ANKRD20A1: variants seen among roughly 807,000 people sequenced by gnomAD.
The protein encoded by ANKRD20A1 is ankyrin repeat domain-containing protein 20A1.
In ANKRD20A1, 2 loss-of-function variants were observed where a neutral mutation model predicts 50.9. The observed-to-expected ratio is 0.04, with a 90% CI of 0.02 to 0.12. The LOEUF (loss-of-function observed/expected upper bound fraction) is 0.12, where lower values mean the gene tolerates loss of function less well. Among genes scored for constraint, ANKRD20A1 ranks in the 10% least tolerant of loss-of-function variants. The pLI, the probability that ANKRD20A1 is intolerant of heterozygous loss-of-function variation, is 1.00. For missense variants in ANKRD20A1, 31 were observed against 548.1 expected (o/e 0.06, Z 9.42); for synonymous variants, 10 against 186.2 (o/e 0.05, Z 7.70).
In ANKRD20A1 at chr9:67,860,135, G is replaced by T. The variant is rs200384386; in HGVS notation, c.203+506G>T. ...TCCAATGGCACAATCTTGGCTCACTGCAACCTCTGCCTGCCGGGTTCAAGC... is the reference window on the plus strand; with the variant it reads ...TCCAATGGCACAATCTTGGCTCACTTCAACCTCTGCCTGCCGGGTTCAAGC... On this transcript the variant is annotated intron_variant, in intron 1 of 14. Transcript: ENST00000562196. Among the ~76,000 whole-genome samples the T allele has an allele frequency of 1.0e-4, 4 of 38,636 alleles. 2 individuals are homozygous for T. The highest frequency in any genetic ancestry group is 4.2e-4 in the Admixed American group (2 of 4,782). 25.3% of individuals were successfully genotyped at this position (38,636 alleles called of 152,430 possible). A position where few individuals can be genotyped will look rare whatever the true frequency, so the allele number is the denominator to read the frequency against.
chr9:67,889,708 A>G (rs1190066314), intron 11 of ANKRD20A1, among the ~76,000 whole-genome samples: 27 of 20,272 alleles, frequency 1.3e-3, no homozygotes, highest in African/African-American at 3.7e-3. Context: ...GGTAGAGGAC[A>G]TCATGGTCCT....
chr9:67,882,238 C>G (rs1291515063), intron 8 of ANKRD20A1, among the ~76,000 whole-genome samples: 1 of 151,310 alleles, frequency 6.6e-6, no homozygotes, highest in Admixed American at 6.7e-5. Flanking sequence ...CTGCCTGCCT[C>G]AGCCTCTCAA....
At chr9:67,884,633 G>C in intron 9 of ANKRD20A1, 63 bp downstream of exon 9, 1 of 1,570,850 alleles carries the variant, frequency 6.4e-7, no homozygotes. Context: ...GCTCACGCCT[G>C]TAATCCCAGC....
Position 67,895,987 on chromosome 9 carries a change from A to C in ANKRD20A1, c.1153-1572A>C, listed in dbSNP as rs1471429883. 1.7e-4 allele frequency among the ~76,000 whole-genome samples: 11 copies of C among 63,122 alleles called. 3 individuals carry two copies. In the South Asian group the frequency reaches 7.1e-3, roughly 41 times the overall value. The allele number at this position is 63,122 out of a possible 152,430, so 41.4% of individuals were successfully genotyped here. A position where few individuals can be genotyped will look rare whatever the true frequency, so the allele number is the denominator to read the frequency against. On this transcript the variant is annotated intron_variant, in intron 12 of 14. Coordinates refer to ENST00000562196, the MANE Select transcript of ANKRD20A1 (RefSeq NM_032250.5). Reference sequence around the variant, plus strand: ...AATGGTTCTGGAGAATGTTCTCATAATGTTTGTTCATTAATCAACCTATGT... The same window carrying C: ...AATGGTTCTGGAGAATGTTCTCATACTGTTTGTTCATTAATCAACCTATGT...
intron 6 of ANKRD20A1, among the ~76,000 whole-genome samples, chr9:67,872,960 G>T (rs1415559259): frequency 7.1e-6 from 1 of 140,426 alleles, no homozygotes; most frequent in Admixed American, 7.5e-5. Flanking sequence ...ACTTCTGCTT[G>T]CTGGCCTTAA....
At chr9:67,884,296 C>G (rs1827838569) in intron 8 of ANKRD20A1, among the ~76,000 whole-genome samples, 190 bp from the exon 9 acceptor site, 1 of 149,648 alleles carries the variant, frequency 6.7e-6, no homozygotes, top group Non-Finnish European at 1.5e-5. Context: ...TCCAGCTATT[C>G]AGGAAGTTGA....
intron 8 of ANKRD20A1, among the ~76,000 whole-genome samples, chr9:67,881,618 A>G (rs1237936411): frequency 3.3e-5 from 5 of 151,718 alleles, no homozygotes; most frequent in Admixed American, 6.6e-5. Flanking sequence ...AACCAAAACC[A>G]AAACAAAACA....
In ANKRD20A1 at chr9:67,872,254, C is replaced by T. The variant is rs1234687575; in HGVS notation, c.793+1042C>T. Among the ~76,000 whole-genome samples, 388 of 118,106 alleles carry T rather than the reference C, an allele frequency of 3.3e-3. 10 individuals carry two copies. The highest frequency in any genetic ancestry group is 0.01 in the African/African-American group (346 of 34,018). The allele number at this position is 118,106 out of a possible 152,430, so 77.5% of individuals were successfully genotyped here. On this transcript the variant is annotated intron_variant, in intron 6 of 14. Transcript: ENST00000562196. ...GAAGACAGCTACTGAGCACAGGAGA[C>T]GGAAAAGCAATTCCTTTGTGAGAAG... is the stretch of plus-strand genomic sequence containing the variant.
chr9:67,882,274 T>C (rs552584700), intron 8 of ANKRD20A1, among the ~76,000 whole-genome samples: 1 of 151,616 alleles, frequency 6.6e-6, no homozygotes, highest in South Asian at 2.1e-4. Context: ...GCATAAGATA[T>C]TCAGCCTTAA....
At chr9:67,894,036 G>GA (rs1827979432) in intron 12 of ANKRD20A1, among the ~76,000 whole-genome samples, 1 of 152,280 alleles carries the variant, frequency 6.6e-6, no homozygotes, top group Admixed American at 6.5e-5. Flanking sequence ...TTCAGGGAGT[G>GA]AATGGGGTCA....
chr9:67,894,596 A>G (rs1296428954), intron 12 of ANKRD20A1, among the ~76,000 whole-genome samples: 1 of 94,590 alleles, frequency 1.1e-5, no homozygotes, highest in African/African-American at 3.1e-5. Context: ...TTACAATCCC[A>G]TAATTTAAGG....
intron 8 of ANKRD20A1, among the ~76,000 whole-genome samples, chr9:67,882,400 A>G (rs62546055): frequency 0.79 from 110,124 of 139,692 alleles, 40,564 homozygotes; most frequent in East Asian, 0.94. Context: ...TATTGCTTAC[A>G]TTGTATTTTT....
chr9:67,882,971 C>CT lies in ANKRD20A1; in HGVS notation c.895-1509dup, dbSNP rs1270307908. Among the ~76,000 whole-genome samples the CT allele has an allele frequency of 2.2e-4, 34 of 151,146 alleles. 1 individual carries two copies. Among genetic ancestry groups the CT allele is most frequent in the Admixed American group, 1.3e-3 (19 of 14,988 alleles). On this transcript the variant is annotated intron_variant, in intron 8 of 14. Transcript: ENST00000562196. ...TCCCTACAAAGGACATGAACTCATC[C>CT]TTTTTTATGGCTGCATAGTATTCCA...
Position 67,897,681 on chromosome 9 carries a change from TC to T in ANKRD20A1, c.1277del (p.Pro426LeufsTer8), listed in dbSNP as rs1220690415. 2 of 1,103,942 alleles carry T rather than the reference TC, an allele frequency of 1.8e-6. No individual in the cohort carries two copies. Among genetic ancestry groups the T allele is most frequent in the African/African-American group, 3.5e-5 (2 of 56,366 alleles). 68.4% of individuals were successfully genotyped at this position (1,103,942 alleles called of 1,614,324 possible). ...AACAAAGAAAGATTGGGAAAACGTA[TC>T]CTCAGCAATTTCCCAAGAAGCTGAA... ...TQQRKIGKTY[P>X]QQFPKKLKEE... is the part of the protein sequence containing the mutation. On this transcript the variant is annotated frameshift_variant, in exon 13 of 15. Coordinates refer to ENST00000562196, the MANE Select transcript of ANKRD20A1 (RefSeq NM_032250.5). LOFTEE classifies it high-confidence loss of function.
rs1045593177 is a variant in ANKRD20A1 at position 67,889,020 on chromosome 9, G to A, written c.1081+1552G>A. ...CTTGCTCTGTCACCAAGGCTGCAGT[G>A]CAGTGGCTCGGTCTTGACTCATTAC... On this transcript the variant is annotated intron_variant, in intron 11 of 14. Coordinates refer to ENST00000562196, the MANE Select transcript of ANKRD20A1 (RefSeq NM_032250.5). 8.9e-5 allele frequency among the ~76,000 whole-genome samples: 13 copies of A among 146,836 alleles called. No individual in the cohort carries two copies. The East Asian group carries it at 3.0e-3, about 33-fold the overall frequency.
At chr9:67,881,161 C>G (rs1445998740) in intron 8 of ANKRD20A1, among the ~76,000 whole-genome samples, 1 of 150,042 alleles carries the variant, frequency 6.7e-6, no homozygotes, top group Non-Finnish European at 1.5e-5. Context: ...CACCTGTAGT[C>G]CCTGCTACTT....
intron 12 of ANKRD20A1, among the ~76,000 whole-genome samples, chr9:67,894,277 A>G (rs1409068623): frequency 2.0e-5 from 3 of 150,350 alleles, no homozygotes; most frequent in African/African-American, 7.3e-5. Context: ...TTGAATTAGA[A>G]TTTAAAATTT....
intron 6 of ANKRD20A1, among the ~76,000 whole-genome samples, chr9:67,871,475 T>C (rs1415616648): frequency 1.4e-5 from 2 of 138,118 alleles, no homozygotes; most frequent in East Asian, 4.3e-4. Flanking sequence ...AAAACATTCA[T>C]TTATTAATTA....
intron 8 of ANKRD20A1, among the ~76,000 whole-genome samples, chr9:67,882,259 T>C: frequency 6.6e-6 from 1 of 151,448 alleles, no homozygotes; most frequent in South Asian, 2.1e-4. Context: ...AGTGCTGGGT[T>C]ACAGGCATAA....
Sources: gnomAD v4.1 joint callset for allele counts (sites outside exome capture counted in the v4.1 genomes callset) on GRCh38, gnomAD v4.1.1 for gene constraint, MANE v1.5 for transcripts, NCBI Gene and HGNC (gene_info 2026-07-23, HGNC 2026-07-21) for gene names.